Variants in ASIC2 observed in about 807,000 individuals in gnomAD.
ASIC2 encodes acid-sensing ion channel 2.
Under a neutral mutation model 57.3 loss-of-function variants are expected in ASIC2, and 25 were observed. That is an observed-to-expected ratio of 0.44 (90% confidence interval 0.32 to 0.61). ASIC2 has a LOEUF of 0.61. Ranked by LOEUF, ASIC2 falls within the 20% of genes least tolerant of loss-of-function variation. ASIC2 has a pLI of 0.06. For synonymous variants in ASIC2, 319 were observed against 307.5 expected (o/e 1.04, Z -0.39); for missense variants, 641 against 738.1 (o/e 0.87, Z 1.52).
At chr17:33,445,364 G>C (rs1911976167) in intron 1 of ASIC2, among the ~76,000 whole-genome samples, 1 of 152,220 alleles carries the variant, frequency 6.6e-6, no homozygotes, top group South Asian at 2.1e-4. Flanking sequence ...CTGGGAGGCA[G>C]ATGTTGCAGT....
intron 3 of ASIC2, among the ~76,000 whole-genome samples, chr17:33,056,810 C>T (rs1196567154): frequency 2.6e-5 from 4 of 152,202 alleles, no homozygotes; most frequent in Non-Finnish European, 5.9e-5. Flanking sequence ...ACGTTTTCAG[C>T]TCTTCTCCAG....
intron 1 of ASIC2, among the ~76,000 whole-genome samples, chr17:33,837,083 C>T (rs1017052374): frequency 2.0e-5 from 3 of 152,132 alleles, no homozygotes; most frequent in Admixed American, 6.5e-5. Flanking sequence ...GCTGAAAGAT[C>T]AATGGGCTTT....
Position 33,347,415 on chromosome 17 carries a change from AG to A in ASIC2, c.556-235349del, listed in dbSNP as rs147193533. 4.2e-3 allele frequency among the ~76,000 whole-genome samples: 638 copies of A among 152,302 alleles called. 3 individuals carry two copies. The highest frequency in any genetic ancestry group is 0.015 in the African/African-American group (624 of 41,562). On this transcript the variant is annotated intron_variant, in intron 1 of 9. Coordinates refer to the ASIC2 transcript ENST00000359872. ...AAACAGTCGTTACAAAGAATAGGCA[AG>A]TGAACCTACTAGGAGAGTGTGTAGG...
At chr17:33,838,757 T>C (rs185610609) in intron 1 of ASIC2, among the ~76,000 whole-genome samples, 77 of 152,256 alleles carry the variant, frequency 5.1e-4, no homozygotes, top group Admixed American at 4.2e-3. Flanking sequence ...CCCATTAAAA[T>C]CACCTGGGGA....
chr17:34,042,298 A>G (rs192441438), intron 1 of ASIC2, among the ~76,000 whole-genome samples: 36 of 152,330 alleles, frequency 2.4e-4, no homozygotes, highest in East Asian at 2.3e-3. Context: ...TTTATGTGTA[A>G]TAACCCACAA....
At chr17:33,117,544 G>A (rs1334972933) in intron 1 of ASIC2, among the ~76,000 whole-genome samples, 14 of 152,174 alleles carry the variant, frequency 9.2e-5, no homozygotes, top group Non-Finnish European at 1.5e-5. Flanking sequence ...TCCAGAAATG[G>A]AGAATCTGAG....
Position 33,060,402 on chromosome 17 carries a change from C to T in ASIC2, c.987+28461G>A, listed in dbSNP as rs182579986. Among the ~76,000 whole-genome samples, 443 of 152,226 alleles carry T rather than the reference C, an allele frequency of 2.9e-3. 4 individuals carry two copies. Among genetic ancestry groups the T allele is most frequent in the African/African-American group, 9.9e-3 (413 of 41,540 alleles). On this transcript the variant is annotated intron_variant, in intron 3 of 9. Coordinates refer to ENST00000225823, the MANE Select transcript of ASIC2 (RefSeq NM_183377.2). Reference sequence around the variant, plus strand: ...TATGGCTAGCCAGTTTTCCCAGCACCGTTTGTTGAATAGGGAATCCTTTCC... The same window carrying T: ...TATGGCTAGCCAGTTTTCCCAGCACTGTTTGTTGAATAGGGAATCCTTTCC...
At chr17:33,625,763 A>C (rs1324507428) in intron 1 of ASIC2, among the ~76,000 whole-genome samples, 1 of 152,256 alleles carries the variant, frequency 6.6e-6, no homozygotes, top group Non-Finnish European at 1.5e-5. Flanking sequence ...TGTGAGTTTT[A>C]AGGAGAACAA....
intron 1 of ASIC2, among the ~76,000 whole-genome samples, chr17:33,955,949 C>T (rs1904720900): frequency 6.6e-6 from 1 of 152,094 alleles, no homozygotes; most frequent in Non-Finnish European, 1.5e-5. Context: ...ATTCAAATGC[C>T]TGGGATAGTT....
rs1904604549 is a variant in ASIC2, at chr17:33,952,332, G to A, written c.555+203646C>T. Among the ~76,000 whole-genome samples, 3 of 152,298 alleles carry A rather than the reference G, an allele frequency of 2.0e-5. No homozygotes were observed. The South Asian group carries it at 6.2e-4, about 32-fold the overall frequency. ...CATCTGGATAATGGAGTGAGGATAT[G>A]ATGTCTGGAACCTCAGTAGGCCCAT... On this transcript the variant is annotated intron_variant, in intron 1 of 9. Coordinates refer to the ASIC2 transcript ENST00000359872.
chr17:33,681,298 ATTC>A (rs1486407293), intron 1 of ASIC2, among the ~76,000 whole-genome samples: 1 of 152,206 alleles, frequency 6.6e-6, no homozygotes, highest in Non-Finnish European at 1.5e-5. Flanking sequence ...CGGCTGGATA[ATTC>A]TTTGTTGTGG....
intron 1 of ASIC2, among the ~76,000 whole-genome samples, chr17:33,672,362 A>G (rs1031565727): frequency 2.0e-5 from 3 of 152,076 alleles, no homozygotes; most frequent in Non-Finnish European, 4.4e-5. Context: ...ACCACACACA[A>G]GAGCTGAAAT....
At chr17:33,218,234 G>C (rs1267019267) in intron 1 of ASIC2, among the ~76,000 whole-genome samples, 2 of 152,198 alleles carry the variant, frequency 1.3e-5, no homozygotes, top group Non-Finnish European at 2.9e-5. Flanking sequence ...CCCATCCCTG[G>C]GAATCTAGAA....
intron 1 of ASIC2, among the ~76,000 whole-genome samples, chr17:34,067,688 G>T (rs1320702509): frequency 6.6e-6 from 1 of 152,072 alleles, no homozygotes; most frequent in Non-Finnish European, 1.5e-5. Context: ...AATAAATTGG[G>T]GTATACCCAC....
chr17:33,576,629 G>A (rs932614410), intron 1 of ASIC2, among the ~76,000 whole-genome samples: 2 of 152,120 alleles, frequency 1.3e-5, no homozygotes, highest in African/African-American at 2.4e-5. Flanking sequence ...TACCTCACAG[G>A]GCACCTGTGA....
chr17:33,522,301 C>T (rs8068295), intron 1 of ASIC2, among the ~76,000 whole-genome samples: 39,858 of 152,148 alleles, frequency 0.26, 5,333 homozygotes, highest in East Asian at 0.35. Flanking sequence ...TTATTTCCCC[C>T]GTTCCTGAAG....
chr17:33,316,391 C>A (rs1049561893), intron 1 of ASIC2, among the ~76,000 whole-genome samples: 1 of 152,194 alleles, frequency 6.6e-6, no homozygotes, highest in African/African-American at 2.4e-5. Flanking sequence ...GCTCTGCGTT[C>A]TAGGCATTGC....
intron 1 of ASIC2, among the ~76,000 whole-genome samples, chr17:33,442,972 A>C (rs1358634064): frequency 6.6e-6 from 1 of 152,194 alleles, no homozygotes; most frequent in Non-Finnish European, 1.5e-5. Flanking sequence ...TTACTGGAAA[A>C]AATTTTGTCA....
chr17:33,494,015 T>C (rs2141936507), intron 1 of ASIC2, among the ~76,000 whole-genome samples: 1 of 152,292 alleles, frequency 6.6e-6, no homozygotes, highest in African/African-American at 2.4e-5. Flanking sequence ...AATTTTCCCT[T>C]GTAGTTTGGA....
Sources: gnomAD v4.1 joint callset for allele counts (sites outside exome capture counted in the v4.1 genomes callset) on GRCh38, gnomAD v4.1.1 for gene constraint, MANE v1.5 for transcripts, NCBI Gene and HGNC (gene_info 2026-07-23, HGNC 2026-07-21) for gene names.